NBPF26: variants seen among roughly 807,000 people sequenced by gnomAD.
The protein encoded by NBPF26 is NBPF member 26, also known as NBPF family member NBPF26.
A neutral mutation model predicts 119.6 loss-of-function variants in NBPF26; 79 were observed. The ratio of observed to expected loss-of-function variants is 0.66; its 90% confidence interval spans 0.55 to 0.80. The LOEUF is 0.80. NBPF26 is among the 30% of genes least tolerant of loss of function. NBPF26 has a pLI of 0.00. For missense variants in NBPF26, 800 were observed against 1,198.2 expected (o/e 0.67, Z 4.91); for synonymous variants, 299 against 457.7 (o/e 0.65, Z 4.43).
chr1:120,764,269 T>TA lies in NBPF26; in HGVS notation c.155+567dup, dbSNP rs1360663412. On this transcript the variant is annotated intron_variant, in intron 2 of 29. Transcript: ENST00000620612. ...CTCAAAAAGAAATAAAAAAAATATA[T>TA]AAAAAAATATATATTAGATTCCCTT... Among the ~76,000 whole-genome samples, 2 of 107,366 alleles carry TA rather than the reference T, an allele frequency of 1.9e-5. 1 individual carries two copies. Among genetic ancestry groups the TA allele is most frequent in the South Asian group, 5.4e-4 (2 of 3,694 alleles). 70.4% of individuals were successfully genotyped at this position (107,366 alleles called of 152,430 possible).
intron 1 of NBPF26, among the ~76,000 whole-genome samples, chr1:120,726,911 G>A (rs1650821196): frequency 3.5e-5 from 4 of 113,658 alleles, no homozygotes; most frequent in Non-Finnish European, 6.6e-5. Context: ...ACATAGAGGA[G>A]CAACTTTTGG....
rs1175979508 is a variant in NBPF26 at position 120,810,937 on chromosome 1, G to A, written c.1564+379G>A. On this transcript the variant is annotated intron_variant, in intron 9 of 29. Transcript: ENST00000620612. Reference sequence around the variant, plus strand: ...GACTCTCTCTCCTTTTCATTGGCTTGTCTTAGCTATTAATAAGTCTCGGCT... The same window carrying A: ...GACTCTCTCTCCTTTTCATTGGCTTATCTTAGCTATTAATAAGTCTCGGCT... Among the ~76,000 whole-genome samples the A allele has an allele frequency of 7.4e-5, 8 of 108,688 alleles. 2 individuals are homozygous for A. The highest frequency in any genetic ancestry group is 1.1e-4 in the Non-Finnish European group (6 of 56,396). 71.3% of individuals were successfully genotyped at this position (108,688 alleles called of 152,430 possible). A position where few individuals can be genotyped will look rare whatever the true frequency, so the allele number is the denominator to read the frequency against.
chr1:120,733,131 ATG>A (rs1327330205), intron 1 of NBPF26, among the ~76,000 whole-genome samples: 1 of 91,892 alleles, frequency 1.1e-5, no homozygotes, highest in Non-Finnish European at 1.9e-5. Flanking sequence ...ATATATATAT[ATG>A]TTTAGTTTAT....
Position 120,840,579 on chromosome 1 carries a change from A to T in NBPF26, c.4333A>T (p.Ile1445Leu). The T allele has an allele frequency of 3.4e-6, 5 of 1,464,500 alleles. 1 individual carries two copies. Among genetic ancestry groups the T allele is most frequent in the South Asian group, 1.2e-5 (1 of 84,434 alleles). 90.7% of individuals were successfully genotyped at this position (1,464,500 alleles called of 1,614,324 possible). The change falls in exon 30 of 30, where the codon ATA (isoleucine) becomes TTA (leucine). Residue 1445 changes from isoleucine to leucine, a missense_variant. Ile to Leu is a conservative substitution (Grantham distance 5, BLOSUM62 2). Around this residue, in one of 13 missense-constraint regions of NBPF26, gnomAD observed 155 missense variants for 95.9 expected, o/e 1.62. Transcript: ENST00000620612. ...CCACCTGGTGTTCCAGATGGGAGTC[A>T]TATTCCCACAATAAGCAGCCCTTAC...
intron 5 of NBPF26, among the ~76,000 whole-genome samples, chr1:120,806,906 T>A (rs1651703373): frequency 1.6e-5 from 2 of 125,960 alleles, no homozygotes; most frequent in Admixed American, 1.5e-4. Flanking sequence ...GTCAATCTCC[T>A]TGAACATTAA....
chr1:120,811,860 C>T, intron 9 of NBPF26, 26 bp from the exon 10 acceptor site: 1 of 760,432 alleles, frequency 1.3e-6, no homozygotes, highest in East Asian at 2.5e-5. Context: ...TTTAACCCAT[C>T]ATGTGTTTGC....
intron 1 of NBPF26, among the ~76,000 whole-genome samples, chr1:120,760,257 G>A (rs1388133511): frequency 2.7e-5 from 2 of 73,062 alleles, no homozygotes; most frequent in African/African-American, 2.7e-4. Flanking sequence ...GAGCAATCTC[G>A]GCTCACTGCA....
chr1:120,832,665 A>G (rs1183418299), intron 22 of NBPF26, among the ~76,000 whole-genome samples: 12 of 121,366 alleles, frequency 9.9e-5, no homozygotes, highest in Non-Finnish European at 1.8e-4. Context: ...ACGATCTACT[A>G]GAATAGGGAC....
rs1328307558 is a variant in NBPF26 at position 120,815,135 on chromosome 1, G to T, written c.2092+92G>T. On this transcript the variant is annotated intron_variant, in intron 12 of 29. Coordinates refer to ENST00000620612, the Ensembl canonical transcript of NBPF26. ...TTTCACAATGACAGTTGTATCAGTG[G>T]TGTTTTTTTCCACTAAGCTTATGTG... 3.7e-5 allele frequency: 50 copies of T among 1,341,918 alleles called. 9 individuals carry two copies. The highest frequency in any genetic ancestry group is 4.6e-5 in the Non-Finnish European group (45 of 982,720). The allele number at this position is 1,341,918 out of a possible 1,614,324, so 83.1% of individuals were successfully genotyped here.
At chr1:120,724,106 C>A in exon 1 of NBPF26, 1 of 1,338,802 alleles carries the variant, frequency 7.5e-7, no homozygotes, top group East Asian at 2.7e-5. Flanking sequence ...TATCGGGACC[C>A]CCTCCCCATG....
chr1:120,765,271 G>A (rs1187749900), intron 2 of NBPF26, among the ~76,000 whole-genome samples: 1 of 86,552 alleles, frequency 1.2e-5, no homozygotes, highest in Non-Finnish European at 2.1e-5. Context: ...ATCTTGTTTA[G>A]TCTTTTTGTG....
exon 10 of NBPF26, chr1:120,811,931 C>T: frequency 8.7e-7 from 1 of 1,145,088 alleles, no homozygotes; most frequent in African/African-American, 3.0e-5. Context: ...ATGGTGGTAT[C>T]AGCCGGCCCT....
intron 11 of NBPF26, among the ~76,000 whole-genome samples, chr1:120,814,554 T>C (rs1165571890): frequency 1.7e-5 from 2 of 119,348 alleles, no homozygotes; most frequent in Non-Finnish European, 3.4e-5. Context: ...GGATGTCTTT[T>C]TGAAAGGGAA....
Position 120,816,862 on chromosome 1 carries a change from T to C in NBPF26, c.2371+35T>C. On this transcript the variant is annotated intron_variant, in intron 14 of 29. Coordinates refer to ENST00000620612, the Ensembl canonical transcript of NBPF26. ...GTTTTCCTTGTGTCTCATACCTCTT[T>C]CTTGGCTGAGGAAGATAAACTCTGA... The C allele has an allele frequency of 2.1e-6, 3 of 1,451,104 alleles. 1 individual carries two copies. Among genetic ancestry groups the C allele is most frequent in the Non-Finnish European group, 2.8e-6 (3 of 1,083,230 alleles). 89.9% of individuals were successfully genotyped at this position (1,451,104 alleles called of 1,614,324 possible). A position where few individuals can be genotyped will look rare whatever the true frequency, so the allele number is the denominator to read the frequency against.
chr1:120,784,223 A>G lies in NBPF26; in HGVS notation c.156-751A>G, dbSNP rs1260610898. On this transcript the variant is annotated intron_variant, in intron 2 of 29. Transcript: ENST00000620612. ...TAAATAGAAATCAAACTTTATTAAT[A>G]CAGTAGGTCTAGTTTCACATAAAGC... is the stretch of plus-strand genomic sequence containing the variant. Among the ~76,000 whole-genome samples, 5 of 118,856 alleles carry G rather than the reference A, an allele frequency of 4.2e-5. 2 individuals carry two copies. Among genetic ancestry groups the G allele is most frequent in the African/African-American group, 2.4e-4 (5 of 20,706 alleles). The allele number at this position is 118,856 out of a possible 152,430, so 78.0% of individuals were successfully genotyped here.
In NBPF26 at chr1:120,822,139, A is replaced by T; in HGVS notation, c.2459A>T (p.Gln820Leu). ...GAGTCTGAAGAGGAGGAAGTCCCCC[A>T]GGAGTCCTGGGATGAAGGTTATTCG... The change falls in exon 16 of 30, where the codon CAG (glutamine) becomes CTG (leucine). Residue 820 changes from glutamine (Q) to leucine (L), a missense_variant. Gln to Leu is a moderately radical substitution (Grantham distance 113, BLOSUM62 -2). Around this residue, in one of 13 missense-constraint regions of NBPF26, gnomAD observed 59 missense variants for 112.3 expected, o/e 0.53. Transcript: ENST00000620612. 2.2e-6 allele frequency: 3 copies of T among 1,372,580 alleles called. No homozygotes were observed. The Admixed American group carries it at 6.2e-5, about 28-fold the overall frequency. 85.0% of individuals were successfully genotyped at this position (1,372,580 alleles called of 1,614,324 possible).
At position 120,784,793 on chromosome 1, in the gene NBPF26, G is replaced by T. The variant is rs1380627280; in HGVS notation, c.156-181G>T. ...TGCCAGGACTCAAAAGGACATGGGA[G>T]TACGTGGTTAAGTTCTCTAAGGACT... On this transcript the variant is annotated intron_variant, in intron 2 of 29. Coordinates refer to ENST00000620612, the Ensembl canonical transcript of NBPF26. Among the ~76,000 whole-genome samples the T allele has an allele frequency of 3.4e-5, 4 of 119,062 alleles. 1 individual carries two copies. In the East Asian group the frequency reaches 8.4e-4, roughly 25 times the overall value. The allele number at this position is 119,062 out of a possible 152,430, so 78.1% of individuals were successfully genotyped here.
At chr1:120,766,212 T>C (rs1210857538) in intron 2 of NBPF26, among the ~76,000 whole-genome samples, 2 of 25,018 alleles carry the variant, frequency 8.0e-5, no homozygotes, top group Non-Finnish European at 1.4e-4. Flanking sequence ...AGAGGCAAAT[T>C]GGTTCTATTT....
intron 4 of NBPF26, 24 bp downstream of exon 4, chr1:120,793,520 G>C: frequency 8.8e-7 from 1 of 1,136,284 alleles, no homozygotes; most frequent in South Asian, 1.3e-5. Flanking sequence ...TAGTGTCCCA[G>C]GATTAGGGGA....
Sources: allele counts gnomAD v4.1 joint callset (sites outside exome capture counted in the v4.1 genomes callset), GRCh38; gene constraint gnomAD v4.1.1; regional missense constraint gnomAD v4.1.1; transcripts MANE v1.5; gene names NCBI Gene and HGNC (gene_info 2026-07-23, HGNC 2026-07-21).